The following LMBR1 variants were observed in gnomAD, a reference collection of about 807,000 sequenced individuals.
LMBR1 encodes the protein limb development membrane protein 1.
Under a neutral mutation model 73.9 loss-of-function variants are expected in LMBR1, and 52 were observed. That is an observed-to-expected ratio of 0.70 (90% CI 0.56 to 0.89). The LOEUF (loss-of-function observed/expected upper bound fraction) is 0.89, where lower values mean the gene tolerates loss of function less well. Among genes scored for constraint, LMBR1 ranks in the 40% least tolerant of loss-of-function variants. The pLI, the probability that LMBR1 is intolerant of heterozygous loss-of-function variation, is 0.00. For missense variants in LMBR1, 539 were observed against 579.8 expected (o/e 0.93, Z 0.72); for synonymous variants, 215 against 209.4 (o/e 1.03, Z -0.23).
chr7:156,686,109 CAG>C (rs1299754136), intron 16 of LMBR1, among the ~76,000 whole-genome samples: 2 of 152,256 alleles, frequency 1.3e-5, no homozygotes, highest in Non-Finnish European at 2.9e-5. Context: ...TGAGTGAAGA[CAG>C]AGGATCACTG....
intron 10 of LMBR1, among the ~76,000 whole-genome samples, chr7:156,730,331 T>TG (rs1406131105): frequency 1.3e-5 from 2 of 152,208 alleles, no homozygotes; most frequent in East Asian, 3.8e-4. Context: ...CTCATGTTTC[T>TG]TGAGAGGTAA....
chr7:156,781,899 C>T (rs923669699), intron 5 of LMBR1, among the ~76,000 whole-genome samples: 5 of 152,200 alleles, frequency 3.3e-5, no homozygotes, highest in African/African-American at 9.7e-5. Flanking sequence ...TACATTCACA[C>T]TGTTATGGTA....
At chr7:156,769,943 C>T (rs981744793) in intron 5 of LMBR1, among the ~76,000 whole-genome samples, 1 of 152,130 alleles carries the variant, frequency 6.6e-6, no homozygotes, top group African/African-American at 2.4e-5. Context: ...AGTCTTGGCA[C>T]ACCCAGAAAG....
In LMBR1 at chr7:156,669,352, A is replaced by C. The variant is rs1354157034; in HGVS notation, n.867-65T>G. The C allele has an allele frequency of 6.6e-6, 1 of 152,276 alleles. No individual in the cohort carries two copies. Among genetic ancestry groups the C allele is most frequent in the African/African-American group, 2.4e-5 (1 of 41,468 alleles). 9.4% of individuals were successfully genotyped at this position (152,276 alleles called of 1,614,324 possible). On this transcript the variant is annotated intron_variant and non_coding_transcript_variant, in intron 4 of 4. Coordinates refer to the LMBR1 transcript ENST00000430825. This position sits in a 1 kb window ranked among gnomAD's most constrained non-coding sequence, Gnocchi z 4.2. ...TCAAGAATAAGTGCCAGGAAGAAAAATGCAAAGAGAGGAAGGGGAGAGAGA... is the reference window on the plus strand; with the variant it reads ...TCAAGAATAAGTGCCAGGAAGAAAACTGCAAAGAGAGGAAGGGGAGAGAGA...
intron 1 of LMBR1, among the ~76,000 whole-genome samples, chr7:156,842,284 C>T (rs1037931639): frequency 2.9e-5 from 4 of 135,880 alleles, no homozygotes; most frequent in South Asian, 2.3e-4. Flanking sequence ...GACTGAGGCC[C>T]GAACAAAGAG....
At chr7:156,834,602 CA>C (rs11415353) in intron 2 of LMBR1, 195 of 206,082 alleles carry the variant, frequency 9.5e-4, no homozygotes, top group Middle Eastern at 4.0e-3. Flanking sequence ...GATCCTATCT[CA>C]AAAAAAAAAT....
At chr7:156,809,818 T>C (rs1308792195) in intron 4 of LMBR1, among the ~76,000 whole-genome samples, 2 of 152,228 alleles carry the variant, frequency 1.3e-5, no homozygotes, top group African/African-American at 4.8e-5. Flanking sequence ...TTTCTCTTTA[T>C]CACTGATTTT....
At chr7:156,748,559 G>A (rs1820255480) in intron 9 of LMBR1, among the ~76,000 whole-genome samples, 2 of 152,100 alleles carry the variant, frequency 1.3e-5, no homozygotes, top group South Asian at 4.1e-4. Flanking sequence ...CATGATCTCG[G>A]CTCATTGCGA....
At chr7:156,713,500 G>A (rs929844254) in intron 15 of LMBR1, among the ~76,000 whole-genome samples, 2 of 152,040 alleles carry the variant, frequency 1.3e-5, no homozygotes, top group African/African-American at 2.4e-5. Context: ...CAGGAGGTAC[G>A]TGTGCTATCT....
chr7:156,853,126 G>C (rs948451174), intron 1 of LMBR1, among the ~76,000 whole-genome samples: 8 of 151,922 alleles, frequency 5.3e-5, no homozygotes, highest in Non-Finnish European at 1.2e-4. Flanking sequence ...TTTTAGTAGA[G>C]ACGGGATTTC....
At chr7:156,812,353 G>C (rs1214512139) in intron 4 of LMBR1, among the ~76,000 whole-genome samples, 1 of 152,100 alleles carries the variant, frequency 6.6e-6, no homozygotes, top group Non-Finnish European at 1.5e-5. Flanking sequence ...GAGGGAGAGA[G>C]GGAGAGAAAA....
chr7:156,864,978 A>G (rs1211251871), intron 1 of LMBR1, among the ~76,000 whole-genome samples: 1 of 147,322 alleles, frequency 6.8e-6, no homozygotes, highest in Non-Finnish European at 1.5e-5. Flanking sequence ...CCTGGGTGAC[A>G]GCGCGAGACT....
chr7:156,765,849 C>T (rs904193371), intron 5 of LMBR1, among the ~76,000 whole-genome samples: 2 of 152,120 alleles, frequency 1.3e-5, no homozygotes, highest in Admixed American at 1.3e-4. Context: ...CTGTAATATA[C>T]ATGAGCTAAA....
chr7:156,885,653 G>C (rs1251955181), intron 1 of LMBR1, among the ~76,000 whole-genome samples: 1 of 152,070 alleles, frequency 6.6e-6, no homozygotes, highest in Admixed American at 6.5e-5. Flanking sequence ...AAGGCAGGAG[G>C]ATCACTTGAG....
intron 1 of LMBR1, among the ~76,000 whole-genome samples, chr7:156,856,944 G>T (rs1197281967): frequency 1.3e-5 from 2 of 152,036 alleles, no homozygotes; most frequent in Non-Finnish European, 2.9e-5. Context: ...AATGTTATGT[G>T]AAAGTGAAGG....
chr7:156,684,322 C>T lies in LMBR1; in HGVS notation c.1388-159G>A, dbSNP rs984152729. 6.6e-5 allele frequency among the ~76,000 whole-genome samples: 10 copies of T among 152,160 alleles called. 1 individual carries two copies. The South Asian group carries it at 1.7e-3, about 25-fold the overall frequency. The stretch of plus-strand genomic sequence containing the variant: ...TTGAGGAATGAATGATTTCTTCTCC[C>T]TACTGGCAACCTCCCTTTGGGGATG... On this transcript the variant is annotated intron_variant, in intron 16 of 16. Transcript: ENST00000353442.
chr7:156,887,278 C>A lies in LMBR1; in HGVS notation c.66+5650G>T, dbSNP rs574824464. The stretch of plus-strand genomic sequence containing the variant: ...AAGAGATTGAGACCATTCTGGCCAA[C>A]ATGGTGAAACCCCGTCTCTACTAAA... On this transcript the variant is annotated intron_variant, in intron 1 of 16. Transcript: ENST00000353442. Among the ~76,000 whole-genome samples the A allele has an allele frequency of 2.0e-5, 3 of 152,174 alleles. No homozygotes were observed. The South Asian group carries it at 6.2e-4, about 32-fold the overall frequency.
In LMBR1 at chr7:156,682,777, A is replaced by C. The variant is rs1805290428; in HGVS notation, c.*1301T>G. On this transcript the variant is annotated 3_prime_UTR_variant, in exon 17 of 17. Transcript: ENST00000353442. ...TGTAACAATTTGAAAAAAATGTTTT[A>C]CTTTTGTCTGAACACAGACCATCTA... The C allele has an allele frequency of 6.6e-6, 1 of 152,340 alleles. No individual in the cohort carries two copies. The highest frequency in any genetic ancestry group is 2.1e-4 in the South Asian group (1 of 4,832). The allele number at this position is 152,340 out of a possible 1,614,324, so 9.4% of individuals were successfully genotyped here. A position where few individuals can be genotyped will look rare whatever the true frequency, so the allele number is the denominator to read the frequency against.
At chr7:156,731,710 T>C (rs191851550) in intron 10 of LMBR1, among the ~76,000 whole-genome samples, 1 of 152,132 alleles carries the variant, frequency 6.6e-6, no homozygotes, top group Non-Finnish European at 1.5e-5. Context: ...AAAATAAAAA[T>C]ACAAATCAGG....
Sources: gnomAD v4.1 joint callset for allele counts (sites outside exome capture counted in the v4.1 genomes callset) on GRCh38, gnomAD v4.1.1 for gene constraint, Gnocchi (gnomAD v3.1) non-coding constraint, MANE v1.5 for transcripts, NCBI Gene and HGNC (gene_info 2026-07-23, HGNC 2026-07-21) for gene names.